Variants in EDN1 observed in about 807,000 individuals in gnomAD.
EDN1 encodes the protein endothelin-1.
In EDN1, 11 loss-of-function variants were observed where a neutral mutation model predicts 21.7. The ratio of observed to expected loss-of-function variants is 0.51; its 90% confidence interval spans 0.32 to 0.84. EDN1 has a LOEUF of 0.84. EDN1 is among the 40% of genes least tolerant of loss of function. The pLI, the probability that EDN1 is intolerant of heterozygous loss-of-function variation, is 0.03. For missense variants in EDN1, 244 were observed against 262.3 expected, an observed-to-expected ratio of 0.93 and a Z score of 0.48; for synonymous variants, 85 against 90.6, an observed-to-expected ratio of 0.94 and a Z score of 0.35.
chr6:12,253,980 C>A, the EDN1 span, among the ~76,000 whole-genome samples: 2 of 152,136 alleles, frequency 1.3e-5, no homozygotes, highest in African/African-American at 4.8e-5. Flanking sequence ...TCTTACCTGG[C>A]CTTCTACCTC....
intron 4 of EDN1, 32 bp downstream of exon 4, chr6:12,294,436 G>A (rs372444646): frequency 1.2e-6 from 2 of 1,613,274 alleles, no homozygotes; most frequent in Non-Finnish European, 1.7e-6. Context: ...TTAGGTAAGA[G>A]GTTCACAAGA....
At chr6:12,288,722 G>A (rs1762607144), upstream of EDN1, among the ~76,000 whole-genome samples, 1 of 152,196 alleles carries the variant, frequency 6.6e-6, no homozygotes, top group African/African-American at 2.4e-5. Flanking sequence ...GAGGTCTGGG[G>A]ATCTGAGTCT....
chr6:12,248,546 G>C, the EDN1 span, among the ~76,000 whole-genome samples: 1 of 152,154 alleles, frequency 6.6e-6, no homozygotes, highest in Non-Finnish European at 1.5e-5. Flanking sequence ...TGTGAACTAA[G>C]CATGATGGAA....
At chr6:12,266,565 T>C in the EDN1 span, among the ~76,000 whole-genome samples, 3,998 of 152,234 alleles carry the variant, frequency 0.026, 80 homozygotes, top group Non-Finnish European at 0.041. Flanking sequence ...TCTACAGACT[T>C]GCAAGTGCTA....
At chr6:12,251,350 C>T in the EDN1 span, among the ~76,000 whole-genome samples, 9 of 152,102 alleles carry the variant, frequency 5.9e-5, no homozygotes, top group Non-Finnish European at 1.0e-4. Flanking sequence ...CAAGTAAAGC[C>T]AGTTGGCACA....
At chr6:12,242,047 A>T in the EDN1 span, among the ~76,000 whole-genome samples, 2 of 152,238 alleles carry the variant, frequency 1.3e-5, no homozygotes, top group Non-Finnish European at 2.9e-5. Flanking sequence ...ATGAGGAAGG[A>T]AGAGATTCAG....
At chr6:12,280,669 CG>C in the EDN1 span, among the ~76,000 whole-genome samples, 2 of 152,046 alleles carry the variant, frequency 1.3e-5, no homozygotes, top group Admixed American at 6.6e-5. Context: ...CTGAGACGGA[CG>C]GATCGCCTGA....
At chr6:12,257,577 C>T in the EDN1 span, among the ~76,000 whole-genome samples, 13 of 152,214 alleles carry the variant, frequency 8.5e-5, no homozygotes, top group South Asian at 2.3e-3. Flanking sequence ...ACAATGAGTA[C>T]ACATGATGAA....
the EDN1 span, among the ~76,000 whole-genome samples, chr6:12,244,700 C>T: frequency 6.6e-6 from 1 of 152,152 alleles, no homozygotes; most frequent in Non-Finnish European, 1.5e-5. Flanking sequence ...TTCATGCTCA[C>T]AATTACTACA....
chr6:12,233,420 T>TTACA, the EDN1 span, among the ~76,000 whole-genome samples: 368 of 152,288 alleles, frequency 2.4e-3, no homozygotes, highest in African/African-American at 8.6e-3. Flanking sequence ...CTCCACCATT[T>TTACA]TACAGGTAAA....
chr6:12,295,041 G>C (rs553611473), intron 4 of EDN1, among the ~76,000 whole-genome samples: 2 of 150,922 alleles, frequency 1.3e-5, no homozygotes, highest in South Asian at 4.2e-4. Context: ...TCTGGATTAG[G>C]CAACATCATA....
At chr6:12,285,170 T>C in the EDN1 span, among the ~76,000 whole-genome samples, 1 of 152,190 alleles carries the variant, frequency 6.6e-6, no homozygotes, top group Non-Finnish European at 1.5e-5. Context: ...TTTCTCTTAG[T>C]CTAATTTATA....
the EDN1 span, among the ~76,000 whole-genome samples, chr6:12,265,817 A>G: frequency 6.6e-6 from 1 of 152,218 alleles, no homozygotes; most frequent in Admixed American, 6.5e-5. Flanking sequence ...TTAGGGAGAG[A>G]GGAGAAAATA....
chr6:12,291,450 T>C (rs954665218), intron 1 of EDN1, among the ~76,000 whole-genome samples: 3 of 152,214 alleles, frequency 2.0e-5, no homozygotes, highest in Non-Finnish European at 4.4e-5. Context: ...CCCCCGTTTT[T>C]AGGGTCAGTG....
chr6:12,287,712 TCACACACA>T (rs66467626), upstream of EDN1, among the ~76,000 whole-genome samples: 10,071 of 102,814 alleles, frequency 0.098, 794 homozygotes, highest in African/African-American at 0.22. Flanking sequence ...TCTCTCTCTC[TCACACACA>T]CACACACACA....
At chr6:12,273,051 C>A in the EDN1 span, among the ~76,000 whole-genome samples, 1 of 152,068 alleles carries the variant, frequency 6.6e-6, no homozygotes, top group Non-Finnish European at 1.5e-5. Context: ...GTGATGAGCA[C>A]TAAGTAAATT....
chr6:12,253,267 AAAT>A, the EDN1 span, among the ~76,000 whole-genome samples: 4 of 152,250 alleles, frequency 2.6e-5, no homozygotes, highest in Non-Finnish European at 5.9e-5. Context: ...CATAATGAAA[AAAT>A]AATCACTTTT....
At chr6:12,259,113 T>C in the EDN1 span, among the ~76,000 whole-genome samples, 1 of 152,182 alleles carries the variant, frequency 6.6e-6, no homozygotes, top group Non-Finnish European at 1.5e-5. Context: ...CATTTGGCCT[T>C]TCTGTATTTC....
chr6:12,291,893 A>T (rs960742399), intron 1 of EDN1, among the ~76,000 whole-genome samples: 3 of 152,270 alleles, frequency 2.0e-5, no homozygotes, highest in Admixed American at 6.5e-5. Flanking sequence ...GTCATCCTGA[A>T]TGGGGAAGTG....
Sources: allele counts gnomAD v4.1 joint callset (sites outside exome capture counted in the v4.1 genomes callset), GRCh38; gene constraint gnomAD v4.1.1; transcripts MANE v1.5; gene names NCBI Gene and HGNC (gene_info 2026-07-23, HGNC 2026-07-21).